Variants in LTF observed in about 807,000 individuals in gnomAD.
LTF encodes epididymis luminal protein 110.
In LTF, 91 loss-of-function variants were observed where a neutral mutation model predicts 87.2. The observed-to-expected ratio is 1.04, with a 90% CI of 0.88 to 1.24. The LOEUF (loss-of-function observed/expected upper bound fraction) is 1.24, where lower values mean the gene tolerates loss of function less well. Ranked by LOEUF, LTF falls within the 50% of genes most tolerant of loss-of-function variation. The pLI is 0.00. For synonymous variants in LTF, 378 were observed against 356.1 expected, an observed-to-expected ratio of 1.06 and a Z score of -0.69; for missense variants, 901 against 904.3, an observed-to-expected ratio of 1.00 and a Z score of 0.05.
chr3:46,450,455 C>A (rs771358338), intron 7 of LTF, 40 bp downstream of exon 7: 2 of 1,571,628 alleles, frequency 1.3e-6, no homozygotes, highest in Non-Finnish European at 1.7e-6. Context: ...TCCCTGCCCC[C>A]CATATCCAAG....
intron 6 of LTF, among the ~76,000 whole-genome samples, chr3:46,452,464 G>T (rs576199908): frequency 6.6e-6 from 1 of 152,122 alleles, no homozygotes; most frequent in African/African-American, 2.4e-5. Flanking sequence ...AGTACAATTC[G>T]AATCAAAATT....
intron 1 of LTF, among the ~76,000 whole-genome samples, chr3:46,479,334 G>A (rs1036898754): frequency 3.0e-4 from 45 of 152,166 alleles, no homozygotes; most frequent in Non-Finnish European, 3.8e-4. Flanking sequence ...GAGATTACAG[G>A]GCCCGGGAAT....
intron 1 of LTF, among the ~76,000 whole-genome samples, chr3:46,479,257 C>T (rs922028493): frequency 6.6e-5 from 10 of 152,336 alleles, no homozygotes; most frequent in Non-Finnish European, 1.2e-4. Flanking sequence ...AGCCCCCTCT[C>T]TCCCACCCTG....
At chr3:46,481,771 A>T (rs1464184886) in intron 1 of LTF, among the ~76,000 whole-genome samples, 1 of 152,202 alleles carries the variant, frequency 6.6e-6, no homozygotes, top group African/African-American at 2.4e-5. Flanking sequence ...AACAAAACTA[A>T]AAAACCACCA....
chr3:46,448,787 C>T, intron 9 of LTF, 76 bp downstream of exon 9: 3 of 1,555,770 alleles, frequency 1.9e-6, no homozygotes, highest in Non-Finnish European at 1.7e-6. Context: ...TGACTGTTGA[C>T]TTCACTTTAA....
At position 46,454,378 on chromosome 3, in the gene LTF, A is replaced by G. The variant is rs377671114; in HGVS notation, c.648-18T>C. On this transcript the variant is annotated intron_variant, in intron 5 of 16. Transcript: ENST00000231751. ...TCAGACACCTGTGAAAAGAGAAACC[A>G]TCAGGGGTAAGCACAGGCAGCCCTC... 1 of 1,612,576 alleles carries G rather than the reference A, an allele frequency of 6.2e-7. No homozygotes were observed. Among genetic ancestry groups the G allele is most frequent in the African/African-American group, 1.3e-5 (1 of 74,898 alleles).
chr3:46,441,920 AGAGAGAGAGAGAGAGTGTGTGTGT>A (rs1702523309), intron 13 of LTF: 1 of 127,760 alleles, frequency 7.8e-6, no homozygotes, highest in African/African-American at 3.6e-5. Flanking sequence ...AGAGAGAGAG[AGAGAGAGAGAGAGAGTGTGTGTGT>A]GTGTGTGTGT....
chr3:46,449,990 G>A lies in LTF; in HGVS notation c.921C>T (p.Leu307=), dbSNP rs762636522. 9 of 1,609,578 alleles carry A rather than the reference G, an allele frequency of 5.6e-6. No homozygotes were observed. Among genetic ancestry groups the A allele is most frequent in the African/African-American group, 1.3e-5 (1 of 74,724 alleles). Residue 307 remains leucine, a synonymous_variant, in exon 8 of 17, where the codon CTC becomes CTT. Coordinates refer to ENST00000231751, the MANE Select transcript of LTF (RefSeq NM_002343.6). ...FGKDKSPKFQ[L]FGSPSGQKDL... ...CTTTCTGCCCACTAGGGGAGCCAAA[G>A]AGCTGGAATTTCGGTGACTTGTCCT...
At chr3:46,463,382 C>A (rs1703132879) in intron 1 of LTF, 2 of 866,056 alleles carry the variant, frequency 2.3e-6, no homozygotes, top group Non-Finnish European at 2.8e-6. Context: ...GGCTCCAGGG[C>A]TAAGCAGACA....
chr3:46,468,499 C>A (rs1703244106), upstream of LTF, among the ~76,000 whole-genome samples: 1 of 152,208 alleles, frequency 6.6e-6, no homozygotes, highest in African/African-American at 2.4e-5. Context: ...CCTCAAAACT[C>A]CTCCAGGGAG....
chr3:46,458,245 C>A (rs1466894219), intron 2 of LTF, among the ~76,000 whole-genome samples: 1 of 152,100 alleles, frequency 6.6e-6, no homozygotes, highest in Non-Finnish European at 1.5e-5. Flanking sequence ...TGATTTAGAT[C>A]ATCATTTAAG....
intron 1 of LTF, among the ~76,000 whole-genome samples, chr3:46,484,610 G>A (rs1320142668): frequency 6.6e-6 from 1 of 152,160 alleles, no homozygotes; most frequent in Non-Finnish European, 1.5e-5. Context: ...TCCCATGCTG[G>A]AACTGAGCCC....
At chr3:46,465,277 T>C (rs2106909524), upstream of LTF, 1 of 209,476 alleles carries the variant, frequency 4.8e-6, no homozygotes, top group Non-Finnish European at 9.5e-6. Flanking sequence ...GCTATCTTCT[T>C]CAGCAGATGA....
intron 1 of LTF, among the ~76,000 whole-genome samples, chr3:46,482,710 A>AAG: frequency 3.4e-5 from 4 of 116,556 alleles, no homozygotes; most frequent in African/African-American, 1.0e-4. Context: ...GAAGGAAAGA[A>AAG]AGAAAGAGAA....
At chr3:46,467,644 CTTTTTTTTTT>C (rs5848801), upstream of LTF, among the ~76,000 whole-genome samples, 223 of 123,042 alleles carry the variant, frequency 1.8e-3, 2 homozygotes, top group African/African-American at 4.7e-3. Flanking sequence ...CTTTTCTTTT[CTTTTTTTTTT>C]TTTTTTTTTT....
At chr3:46,441,934 A>AGGGTGT (rs1456655226) in intron 13 of LTF, 1 of 59,002 alleles carries the variant, frequency 1.7e-5, no homozygotes, top group Non-Finnish European at 3.4e-5. Flanking sequence ...AGAGAGAGAG[A>AGGGTGT]GTGTGTGTGT....
intron 1 of LTF, among the ~76,000 whole-genome samples, chr3:46,476,977 A>T (rs1292557601): frequency 6.6e-6 from 1 of 152,246 alleles, no homozygotes; most frequent in African/African-American, 2.4e-5. Flanking sequence ...TGGGGTTATT[A>T]CAATGGTGCT....
rs1238607390 is a variant in LTF, at chr3:46,482,647, AGAAAGAAAGAAAGAAGGAAGGAAG to A, written c.-320+2315_-320+2338del. On this transcript the variant is annotated intron_variant, in intron 1 of 19. Coordinates refer to the LTF transcript ENST00000443496. ...AAGAAAGAAAGAAAGAAAGAAAGAA[AGAAAGAAAGAAAGAAGGAAGGAAG>A]GAAGGAAGGAAGGAAGGAAGGAAGG... 5.4e-4 allele frequency among the ~76,000 whole-genome samples: 55 copies of A among 102,684 alleles called. 3 individuals carry two copies. In the South Asian group the frequency reaches 5.5e-3, roughly 10 times the overall value. 67.4% of individuals were successfully genotyped at this position (102,684 alleles called of 152,430 possible). A position where few individuals can be genotyped will look rare whatever the true frequency, so the allele number is the denominator to read the frequency against.
intron 6 of LTF, among the ~76,000 whole-genome samples, chr3:46,452,058 G>C: frequency 6.6e-6 from 1 of 152,150 alleles, no homozygotes; most frequent in East Asian, 1.9e-4. Flanking sequence ...CAAAAGAAAT[G>C]TGAGATATAA....
Sources: gnomAD v4.1 joint callset for allele counts (sites outside exome capture counted in the v4.1 genomes callset) on GRCh38, gnomAD v4.1.1 for gene constraint, MANE v1.5 for transcripts, NCBI Gene and HGNC (gene_info 2026-07-23, HGNC 2026-07-21) for gene names.